The following RO60 variants were observed in gnomAD, a reference collection of about 807,000 sequenced individuals.
RO60 encodes the protein Ro60, Y RNA binding protein, also known as RNA-binding protein RO60.
RO60 carries 20 observed loss-of-function variants against 55.3 expected under a neutral mutation model. That is an observed-to-expected ratio of 0.36 (90% CI 0.25 to 0.53). The LOEUF is 0.53. RO60 is among the 20% of genes least tolerant of loss of function. The probability of loss-of-function intolerance (pLI) is 0.92; values close to 1 mark genes in which losing one functional copy is unlikely to be tolerated. For missense variants in RO60, 558 were observed against 646.6 expected (o/e 0.86, Z 1.49); for synonymous variants, 213 against 213.6 (o/e 1.00, Z 0.02).
chr1:193,068,241 T>A (rs1239285677), intron 1 of RO60, among the ~76,000 whole-genome samples: 1 of 152,176 alleles, frequency 6.6e-6, no homozygotes, highest in Non-Finnish European at 1.5e-5. Context: ...AGCTGGGAAC[T>A]TGTGATAAGT....
rs1359614425 is a variant in RO60 at position 193,086,099 on chromosome 1, G to C, written c.*1368G>C. ...TGAAGATTTACTGAGGATTTGTAAG[G>C]TCCTTCTCGCTGTTATGTGAAAAGT... On this transcript the variant is annotated 3_prime_UTR_variant, in exon 9 of 9. Transcript: ENST00000400968. The C allele has an allele frequency of 1.1e-6, 1 of 904,556 alleles. No homozygotes were observed. Among genetic ancestry groups the C allele is most frequent in the Non-Finnish European group, 1.3e-6 (1 of 756,706 alleles). 56.0% of individuals were successfully genotyped at this position (904,556 alleles called of 1,614,324 possible).
Position 193,076,587 on chromosome 1 carries a change from A to C in RO60, c.888A>C (p.Pro296=), listed in dbSNP as rs1572090166. The C allele has an allele frequency of 1.2e-6, 2 of 1,611,316 alleles. No homozygotes were observed. Among genetic ancestry groups the C allele is most frequent in the East Asian group, 4.5e-5 (2 of 44,694 alleles). ...GKMTANSVLE[P]GNSEVSLVCE... is the part of the protein sequence containing the mutation. ...TGACTGCTAATTCAGTACTTGAACC[A>C]GGAAATTCAGAAGTATCTTTAGTAT... Residue 296 remains proline (P), a synonymous_variant, in exon 4 of 9, where the codon CCA becomes CCC. Transcript: ENST00000400968.
In RO60 at chr1:193,085,249, T is replaced by C; in HGVS notation, c.*518T>C. 12 of 1,140,552 alleles carry C rather than the reference T, an allele frequency of 1.1e-5. No homozygotes were observed. The highest frequency in any genetic ancestry group is 1.3e-5 in the Non-Finnish European group (12 of 927,624). 70.7% of individuals were successfully genotyped at this position (1,140,552 alleles called of 1,614,324 possible). On this transcript the variant is annotated 3_prime_UTR_variant, in exon 9 of 9. Coordinates refer to ENST00000400968, the MANE Select transcript of RO60 (RefSeq NM_001173524.2). Reference sequence around the variant, plus strand: ...AAAACTAAGGCATTTGATTAAATTATGAATGAGTTTTACAAATTCCTTTCA... The same window carrying C: ...AAAACTAAGGCATTTGATTAAATTACGAATGAGTTTTACAAATTCCTTTCA...
intron 3 of RO60, among the ~76,000 whole-genome samples, chr1:193,076,291 T>A (rs1369497024): frequency 6.6e-6 from 1 of 152,178 alleles, no homozygotes; most frequent in East Asian, 1.9e-4. Flanking sequence ...TGCATTTCCT[T>A]CATAAAATAT....
chr1:193,084,819 A>G lies in RO60; in HGVS notation c.*88A>G, dbSNP rs749701330. On this transcript the variant is annotated 3_prime_UTR_variant, in exon 9 of 9. Coordinates refer to ENST00000400968, the MANE Select transcript of RO60 (RefSeq NM_001173524.2). ...CTACTTCCCAGCTAATCTCCACCCAATGAATGATGATGGTATAGTATGTGC... is the reference window on the plus strand; with the variant it reads ...CTACTTCCCAGCTAATCTCCACCCAGTGAATGATGATGGTATAGTATGTGC... The G allele has an allele frequency of 1.2e-5, 18 of 1,542,886 alleles. No individual in the cohort carries two copies. Among genetic ancestry groups the G allele is most frequent in the Admixed American group, 2.1e-5 (1 of 48,558 alleles).
chr1:193,083,805 G>C (rs1198094789), intron 8 of RO60, among the ~76,000 whole-genome samples: 1 of 152,100 alleles, frequency 6.6e-6, no homozygotes. Context: ...GAGTGCAATG[G>C]TGCTATCATA....
Position 193,081,439 on chromosome 1 carries a change from A to G in RO60, c.1162A>G (p.Ser388Gly). The G allele has an allele frequency of 6.2e-7, 1 of 1,611,038 alleles. No homozygotes were observed. Among genetic ancestry groups the G allele is most frequent in the Non-Finnish European group, 8.5e-7 (1 of 1,178,228 alleles). The change falls in exon 6 of 9, where the codon AGT becomes GGT. Residue 388 changes from serine to glycine, a missense_variant. Physicochemically the swap from Ser to Gly is moderately conservative, Grantham distance 56 (BLOSUM62 0). Coordinates refer to ENST00000400968, the MANE Select transcript of RO60 (RefSeq NM_001173524.2). Reference protein sequence around the residue: ...SASMNQRVLGSILNASTVAAA... With the variant: ...SASMNQRVLGGILNASTVAAA... ...TTCTATGAACCAAAGAGTTTTGGGT[A>G]GTATACTCAACGCTAGTACAGTTGC...
At chr1:193,081,320 T>C (rs988602252) in intron 5 of RO60, 44 bp from the exon 6 acceptor site, 2 of 1,133,336 alleles carry the variant, frequency 1.8e-6, no homozygotes, top group South Asian at 1.4e-5. Flanking sequence ...AGTCTACTTA[T>C]AATTTCTGTT....
At chr1:193,075,704 G>T (rs78778826) in intron 2 of RO60, 116 bp from the exon 3 acceptor site, 21,215 of 701,492 alleles carry the variant, frequency 0.03, 394 homozygotes, top group Middle Eastern at 0.064. Context: ...CCAGTGTAAG[G>T]GCATTAACTC....
rs1386195876 is a variant in RO60, at chr1:193,085,048, C to A, written c.*317C>A. 2 of 1,518,504 alleles carry A rather than the reference C, an allele frequency of 1.3e-6. No individual in the cohort carries two copies. The highest frequency in any genetic ancestry group is 2.5e-5 in the South Asian group (2 of 79,900). The allele number at this position is 1,518,504 out of a possible 1,614,324, so 94.1% of individuals were successfully genotyped here. A position where few individuals can be genotyped will look rare whatever the true frequency, so the allele number is the denominator to read the frequency against. On this transcript the variant is annotated 3_prime_UTR_variant, in exon 9 of 9. Coordinates refer to ENST00000400968, the MANE Select transcript of RO60 (RefSeq NM_001173524.2). ...CGTGTGTACCTAAAAGAGGTAAGAG[C>A]AAAAAGTGTAATTCCACATCATGTT...
chr1:193,060,901 AT>A (rs201196709), intron 1 of RO60, among the ~76,000 whole-genome samples: 1,864 of 152,070 alleles, frequency 0.012, 37 homozygotes, highest in African/African-American at 0.042. Context: ...AGTTTGTGGT[AT>A]TTTTTTTAAT....
intron 2 of RO60, among the ~76,000 whole-genome samples, chr1:193,071,297 G>T (rs1035092819): frequency 1.3e-5 from 2 of 152,156 alleles, no homozygotes; most frequent in Non-Finnish European, 2.9e-5. Context: ...GGCCCTTGCT[G>T]TATATCAGAT....
In RO60 at chr1:193,059,842, C is replaced by T. The variant is rs933509068; in HGVS notation, c.-22+66C>T. ...GGCCCCAGGGACGCGCAAATTCTGACCAGTCCTCCATGTCTCTCACCCGCA... is the reference window on the plus strand; with the variant it reads ...GGCCCCAGGGACGCGCAAATTCTGATCAGTCCTCCATGTCTCTCACCCGCA... On this transcript the variant is annotated intron_variant, in intron 1 of 8. Coordinates refer to ENST00000400968, the MANE Select transcript of RO60 (RefSeq NM_001173524.2). The surrounding 1 kb of genome is among the most constrained non-coding windows in gnomAD (Gnocchi z 4.9). The T allele has an allele frequency of 6.6e-6, 9 of 1,361,664 alleles. No individual in the cohort carries two copies. Among genetic ancestry groups the T allele is most frequent in the East Asian group, 4.6e-5 (1 of 21,762 alleles). 84.3% of individuals were successfully genotyped at this position (1,361,664 alleles called of 1,614,324 possible). A position where few individuals can be genotyped will look rare whatever the true frequency, so the allele number is the denominator to read the frequency against.
intron 1 of RO60, among the ~76,000 whole-genome samples, chr1:193,066,288 G>C (rs1328831506): frequency 6.6e-6 from 1 of 152,068 alleles, no homozygotes; most frequent in Non-Finnish European, 1.5e-5. Context: ...CATTGAAAAA[G>C]GTAAAAAGAT....
In RO60 at chr1:193,085,625, T is replaced by C. The variant is rs1465969359; in HGVS notation, c.*894T>C. On this transcript the variant is annotated 3_prime_UTR_variant, in exon 9 of 9. Coordinates refer to ENST00000400968, the MANE Select transcript of RO60 (RefSeq NM_001173524.2). Reference sequence around the variant, plus strand: ...CCCCTCATTCACAAAGTATAACAATTAAAATCTCAACTATAACCAGTTTAG... The same window carrying C: ...CCCCTCATTCACAAAGTATAACAATCAAAATCTCAACTATAACCAGTTTAG... 15 of 984,346 alleles carry C rather than the reference T, an allele frequency of 1.5e-5. No homozygotes were observed. The highest frequency in any genetic ancestry group is 1.6e-5 in the Non-Finnish European group (13 of 829,082). The allele number at this position is 984,346 out of a possible 1,614,324, so 61.0% of individuals were successfully genotyped here.
intron 1 of RO60, among the ~76,000 whole-genome samples, chr1:193,067,174 T>C (rs1049741457): frequency 1.3e-5 from 2 of 151,676 alleles, no homozygotes; most frequent in African/African-American, 4.8e-5. Flanking sequence ...AAAAAAAATT[T>C]TTTTTCTTTC....
Position 193,081,400 on chromosome 1 carries a change from G to A in RO60, c.1123G>A (p.Val375Ile). 6.2e-7 allele frequency: 1 copy of A among 1,609,334 alleles called. No homozygotes were observed. Among genetic ancestry groups the A allele is most frequent in the South Asian group, 1.1e-5 (1 of 90,344 alleles). ...EPTGKRFLLAVDVSASMNQRV... is the reference protein window; with the variant it reads ...EPTGKRFLLAIDVSASMNQRV... ...AACTGGAAAACGTTTCTTACTAGCTGTTGATGTCAGTGCTTCTATGAACCA... is the reference window on the plus strand; with the variant it reads ...AACTGGAAAACGTTTCTTACTAGCTATTGATGTCAGTGCTTCTATGAACCA... Residue 375 changes from valine (V) to isoleucine (I), a missense_variant, in exon 6 of 9, where the codon GTT becomes ATT. Physicochemically the swap from Val to Ile is conservative, Grantham distance 29 (BLOSUM62 3). Coordinates refer to ENST00000400968, the MANE Select transcript of RO60 (RefSeq NM_001173524.2).
In RO60 at chr1:193,082,685, A is replaced by G. The variant is rs537673170; in HGVS notation, c.1441A>G (p.Ile481Val). 18 of 1,613,314 alleles carry G rather than the reference A, an allele frequency of 1.1e-5. No homozygotes were observed. In the South Asian group the frequency reaches 1.3e-4, roughly 12 times the overall value. Residue 481 changes from isoleucine (I) to valine (V), a missense_variant, in exon 8 of 9, where the codon ATT (isoleucine) becomes GTT (valine). Ile to Val is a conservative substitution (Grantham distance 29). Transcript: ENST00000400968. ...ETFAGGVHPA[I>V]ALREYRKKMD... Reference sequence around the variant, plus strand: ...CTTTGCTGGAGGTGTCCATCCTGCTATTGCTCTGAGGGAGTATCGAAAGGT... The same window carrying G: ...CTTTGCTGGAGGTGTCCATCCTGCTGTTGCTCTGAGGGAGTATCGAAAGGT...
chr1:193,063,203 A>G (rs1032933480), intron 1 of RO60, among the ~76,000 whole-genome samples: 3 of 152,092 alleles, frequency 2.0e-5, no homozygotes, highest in African/African-American at 7.2e-5. Context: ...TATTGTTTTG[A>G]TTATAGCTGT....
Sources: gnomAD v4.1 joint callset for allele counts (sites outside exome capture counted in the v4.1 genomes callset) on GRCh38, gnomAD v4.1.1 for gene constraint, Gnocchi (gnomAD v3.1) non-coding constraint, MANE v1.5 for transcripts, NCBI Gene and HGNC (gene_info 2026-07-23, HGNC 2026-07-21) for gene names.